RFX3: variants seen among roughly 807,000 people sequenced by gnomAD.
The protein encoded by RFX3 is transcription factor RFX3.
A neutral mutation model predicts 98.6 loss-of-function variants in RFX3; 14 were observed. The ratio of observed to expected loss-of-function variants is 0.14; its 90% CI spans 0.09 to 0.22. The LOEUF (loss-of-function observed/expected upper bound fraction) is 0.22, where lower values mean the gene tolerates loss of function less well. Among genes scored for constraint, RFX3 ranks in the 10% least tolerant of loss-of-function variants. The pLI is 1.00. For synonymous variants in RFX3, 383 were observed against 328.4 expected, an observed-to-expected ratio of 1.17 and a Z score of -1.80; for missense variants, 639 against 926.9, an observed-to-expected ratio of 0.69 and a Z score of 4.03.
chr9:3,311,346 A>C (rs186915487), intron 4 of RFX3, among the ~76,000 whole-genome samples: 1 of 151,902 alleles, frequency 6.6e-6, no homozygotes, highest in African/African-American at 2.4e-5. Context: ...TTGGAGACTT[A>C]TGTTTAGAAA....
chr9:3,489,490 G>A, intron 1 of RFX3: 1 of 873,714 alleles, frequency 1.1e-6, no homozygotes. Flanking sequence ...AGTAGAGTAG[G>A]GGAATTATGA....
At chr9:3,482,824 T>C (rs1287177434) in intron 1 of RFX3, among the ~76,000 whole-genome samples, 1 of 152,138 alleles carries the variant, frequency 6.6e-6, no homozygotes, top group African/African-American at 2.4e-5. Flanking sequence ...ATAACTTGCA[T>C]ATGTAAGGGC....
chr9:3,348,127 A>C (rs1364711716), intron 2 of RFX3, among the ~76,000 whole-genome samples: 1 of 152,054 alleles, frequency 6.6e-6, no homozygotes, highest in African/African-American at 2.4e-5. Context: ...TTTCCCGCCT[A>C]TTACTTATTC....
At chr9:3,438,758 G>T (rs935648025) in intron 1 of RFX3, among the ~76,000 whole-genome samples, 4 of 151,946 alleles carry the variant, frequency 2.6e-5, no homozygotes, top group African/African-American at 9.7e-5. Flanking sequence ...AAAGAAAGTT[G>T]ATTTCAGAAC....
intron 4 of RFX3, among the ~76,000 whole-genome samples, chr9:3,321,228 G>C (rs973927554): frequency 1.3e-5 from 2 of 152,012 alleles, no homozygotes; most frequent in Non-Finnish European, 2.9e-5. Context: ...TTACAAATAA[G>C]TCTACAACAA....
intron 15 of RFX3, among the ~76,000 whole-genome samples, chr9:3,242,213 C>T (rs1820028188): frequency 6.6e-6 from 1 of 152,146 alleles, no homozygotes; most frequent in Admixed American, 6.5e-5. Flanking sequence ...GATACTGAGA[C>T]ATCTTTTGCA....
intron 2 of RFX3, among the ~76,000 whole-genome samples, chr9:3,394,259 C>T (rs547576468): frequency 2.6e-5 from 4 of 151,920 alleles, no homozygotes; most frequent in South Asian, 2.1e-4. Flanking sequence ...GTCAGGAGAT[C>T]GAGACCATCC....
intron 7 of RFX3, among the ~76,000 whole-genome samples, chr9:3,287,809 C>T (rs1826829003): frequency 6.6e-6 from 1 of 151,944 alleles, no homozygotes; most frequent in Non-Finnish European, 1.5e-5. Flanking sequence ...AAGTCAGAAG[C>T]TCATGAATAC....
At chr9:3,261,870 T>C (rs1179773406) in intron 13 of RFX3, among the ~76,000 whole-genome samples, 2 of 152,154 alleles carry the variant, frequency 1.3e-5, no homozygotes, top group Non-Finnish European at 2.9e-5. Context: ...TACCTCGCTG[T>C]GGTTTTGACT....
chr9:3,350,981 C>G (rs1240927690), intron 2 of RFX3, among the ~76,000 whole-genome samples: 1 of 151,930 alleles, frequency 6.6e-6, no homozygotes, highest in African/African-American at 2.4e-5. Context: ...ATTTGTAGAA[C>G]AGTGAAACTA....
At chr9:3,524,996 G>C (rs1045876901) in intron 1 of RFX3, among the ~76,000 whole-genome samples, 1 of 151,884 alleles carries the variant, frequency 6.6e-6, no homozygotes, top group Non-Finnish European at 1.5e-5. Flanking sequence ...TGTGGGGGGG[G>C]GGAGAAAGAG....
chr9:3,288,020 G>T, intron 7 of RFX3, 111 bp downstream of exon 7: 1 of 1,006,978 alleles, frequency 9.9e-7, no homozygotes, highest in Non-Finnish European at 1.5e-6. Flanking sequence ...GTGAAAGCAT[G>T]CCAACAATAA....
chr9:3,431,756 AC>A (rs1348455070), intron 1 of RFX3, among the ~76,000 whole-genome samples: 1 of 152,228 alleles, frequency 6.6e-6, no homozygotes, highest in Non-Finnish European at 1.5e-5. Context: ...AAATGTCAAG[AC>A]AAGAGAAGCA....
intron 1 of RFX3, among the ~76,000 whole-genome samples, chr9:3,405,612 C>T (rs1209015283): frequency 6.6e-6 from 1 of 152,158 alleles, no homozygotes; most frequent in Non-Finnish European, 1.5e-5. Flanking sequence ...TCTTGGGATC[C>T]AGTCATCTTG....
chr9:3,312,379 A>T (rs1830061461), intron 4 of RFX3, among the ~76,000 whole-genome samples: 2 of 152,156 alleles, frequency 1.3e-5, no homozygotes, highest in African/African-American at 2.4e-5. Context: ...TCTTCGAAGG[A>T]TCTCCAGAGT....
chr9:3,457,860 C>G (rs1847333962), intron 1 of RFX3, among the ~76,000 whole-genome samples: 1 of 152,032 alleles, frequency 6.6e-6, no homozygotes, highest in South Asian at 2.1e-4. Context: ...TATCTAGTCG[C>G]TGTCTTCAAG....
At chr9:3,259,507 G>GA (rs34394241) in intron 13 of RFX3, among the ~76,000 whole-genome samples, 142,772 of 148,970 alleles carry the variant, frequency 0.96, 68,480 homozygotes, top group South Asian at 1. Context: ...TCTTAAATTA[G>GA]AAAAAAAAAA....
At chr9:3,420,079 G>T (rs1312384856) in intron 1 of RFX3, among the ~76,000 whole-genome samples, 1 of 152,292 alleles carries the variant, frequency 6.6e-6, no homozygotes, top group Middle Eastern at 3.4e-3. Context: ...GTCGGGGCCC[G>T]CAGCACCACT....
chr9:3,441,272 T>C (rs936612361), intron 1 of RFX3, among the ~76,000 whole-genome samples: 1 of 152,092 alleles, frequency 6.6e-6, no homozygotes, highest in Non-Finnish European at 1.5e-5. Flanking sequence ...AACGCATATT[T>C]AGTTTAATAT....
Sources: allele counts gnomAD v4.1 joint callset (sites outside exome capture counted in the v4.1 genomes callset), GRCh38; gene constraint gnomAD v4.1.1; transcripts MANE v1.5; gene names NCBI Gene and HGNC (gene_info 2026-07-23, HGNC 2026-07-21).